The following NRG3 variants were observed in gnomAD, a reference collection of about 807,000 sequenced individuals.
NRG3 encodes the protein pro-neuregulin-3, membrane-bound isoform.
NRG3 carries 31 observed loss-of-function variants against 66.9 expected under a neutral mutation model. The observed-to-expected ratio is 0.46, with a 90% confidence interval of 0.35 to 0.63. NRG3 has a LOEUF of 0.63. NRG3 is among the 20% of genes least tolerant of loss of function. The probability of loss-of-function intolerance (pLI) is 0.00; values close to 1 mark genes in which losing one functional copy is unlikely to be tolerated. For missense variants in NRG3, 910 were observed against 878.9 expected (o/e 1.04, Z -0.45); for synonymous variants, 393 against 359.4 (o/e 1.09, Z -1.06).
chr10:82,182,398 A>G (rs937156741), intron 1 of NRG3, among the ~76,000 whole-genome samples: 3 of 151,380 alleles, frequency 2.0e-5, no homozygotes, highest in Admixed American at 2.0e-4. Context: ...TTTCTCATTT[A>G]TCTTCTATAA....
intron 3 of NRG3, among the ~76,000 whole-genome samples, chr10:82,836,362 A>T (rs1014578863): frequency 1.3e-5 from 2 of 152,222 alleles, no homozygotes; most frequent in Admixed American, 6.5e-5. Context: ...AGATGTCTTC[A>T]TGGGAAAGGT....
intron 1 of NRG3, among the ~76,000 whole-genome samples, chr10:82,345,781 T>A (rs1420759982): frequency 6.6e-6 from 1 of 151,942 alleles, no homozygotes; most frequent in African/African-American, 2.4e-5. Flanking sequence ...GTCCTTCACA[T>A]CCCTTGTAAG....
Position 82,102,113 on chromosome 10 carries a change from CATATATATATATGTGTATTCAT to C in NRG3, c.823+225963_823+225984del, listed in dbSNP as rs1301223620. 2.2e-3 allele frequency among the ~76,000 whole-genome samples: 185 copies of C among 85,956 alleles called. 1 individual carries two copies. The highest frequency in any genetic ancestry group is 7.1e-3 in the African/African-American group (166 of 23,522). The allele number at this position is 85,956 out of a possible 152,430, so 56.4% of individuals were successfully genotyped here. ...GTATTCATATATATATATGTGTATT[CATATATATATATGTGTATTCAT>C]ATATATATATATATATATATATATA... is the stretch of plus-strand genomic sequence containing the variant. On this transcript the variant is annotated intron_variant, in intron 1 of 8. Transcript: ENST00000372141.
intron 1 of NRG3, among the ~76,000 whole-genome samples, chr10:81,902,933 T>C (rs974639031): frequency 1.5e-4 from 23 of 152,120 alleles, no homozygotes; most frequent in African/African-American, 4.6e-4. Flanking sequence ...TTGTCATGGG[T>C]TGTAAACAAC....
At chr10:82,248,531 G>A (rs2077348604) in intron 1 of NRG3, among the ~76,000 whole-genome samples, 1 of 152,144 alleles carries the variant, frequency 6.6e-6, no homozygotes, top group Admixed American at 6.5e-5. Flanking sequence ...TGCATGTAAA[G>A]TTGGTTTTAG....
At chr10:82,233,603 T>C (rs1416457204) in intron 1 of NRG3, among the ~76,000 whole-genome samples, 1 of 152,162 alleles carries the variant, frequency 6.6e-6, no homozygotes, top group African/African-American at 2.4e-5. Flanking sequence ...TTGCCTGAGA[T>C]TCACTCTTGT....
At chr10:81,877,024 G>T (rs1269955727) in intron 1 of NRG3, among the ~76,000 whole-genome samples, 1 of 152,122 alleles carries the variant, frequency 6.6e-6, no homozygotes, top group Admixed American at 6.5e-5. Context: ...GAAAAATATA[G>T]ACGAGTTGAG....
chr10:82,349,746 G>C (rs965236721), intron 1 of NRG3, among the ~76,000 whole-genome samples: 8 of 152,238 alleles, frequency 5.3e-5, no homozygotes, highest in Non-Finnish European at 1.0e-4. Flanking sequence ...CTCCGAGCCA[G>C]GTGCGGGATA....
intron 3 of NRG3, among the ~76,000 whole-genome samples, chr10:82,750,160 G>A (rs1410513859): frequency 6.6e-6 from 1 of 152,088 alleles, no homozygotes; most frequent in East Asian, 1.9e-4. Context: ...TCTTTTGATG[G>A]TGTTTTACAT....
intron 1 of NRG3, among the ~76,000 whole-genome samples, chr10:82,209,608 G>A (rs2075298660): frequency 6.6e-6 from 1 of 152,146 alleles, no homozygotes; most frequent in Non-Finnish European, 1.5e-5. Flanking sequence ...CTGGCTATTA[G>A]AGCCATATAA....
chr10:82,066,715 T>A (rs1294643282), intron 1 of NRG3, among the ~76,000 whole-genome samples: 1 of 152,158 alleles, frequency 6.6e-6, no homozygotes, highest in African/African-American at 2.4e-5. Flanking sequence ...GTTTCCATTC[T>A]CTCTACACCA....
chr10:82,215,667 C>G (rs1035927790), intron 1 of NRG3, among the ~76,000 whole-genome samples: 7 of 147,640 alleles, frequency 4.7e-5, no homozygotes, highest in Non-Finnish European at 7.5e-5. Flanking sequence ...TACATCCCAA[C>G]TTGTATCACA....
intron 3 of NRG3, among the ~76,000 whole-genome samples, chr10:82,855,303 C>T (rs2063750296): frequency 6.6e-6 from 1 of 151,994 alleles, no homozygotes; most frequent in Non-Finnish European, 1.5e-5. Context: ...GGCTGTTTGC[C>T]ATGTAATCCT....
Position 82,949,046 on chromosome 10 carries a change from A to G in NRG3, c.1055-2423A>G, listed in dbSNP as rs540172778. On this transcript the variant is annotated intron_variant, in intron 4 of 8. Transcript: ENST00000372141. The stretch of plus-strand genomic sequence containing the variant: ...TATAGATTTTTTATAGCTACTCTTT[A>G]TTAGGTTGAGGAAGTGCCTTCTATT... 1.2e-4 allele frequency among the ~76,000 whole-genome samples: 18 copies of G among 152,178 alleles called. No homozygotes were observed. The South Asian group carries it at 3.7e-3, about 32-fold the overall frequency.
chr10:82,677,268 G>T (rs953320496), intron 2 of NRG3, among the ~76,000 whole-genome samples: 1 of 151,888 alleles, frequency 6.6e-6, no homozygotes, highest in Non-Finnish European at 1.5e-5. Context: ...GCCCAGGCTG[G>T]TCTCAACTCC....
intron 2 of NRG3, among the ~76,000 whole-genome samples, chr10:82,559,139 AT>A (rs946200813): frequency 2.6e-5 from 4 of 151,010 alleles, no homozygotes; most frequent in East Asian, 1.9e-4. Context: ...TCATCTATGT[AT>A]TTTTTTTTCT....
At chr10:82,392,216 T>C (rs2086421984) in intron 2 of NRG3, among the ~76,000 whole-genome samples, 1 of 152,148 alleles carries the variant, frequency 6.6e-6, no homozygotes, top group South Asian at 2.1e-4. Flanking sequence ...CTTGTAGTGC[T>C]CCCGTCATTT....
chr10:82,572,350 CAA>C, intron 2 of NRG3, among the ~76,000 whole-genome samples: 1 of 145,548 alleles, frequency 6.9e-6, no homozygotes, highest in East Asian at 2.0e-4. Flanking sequence ...CTATTTTGTA[CAA>C]AAAAAAAATC....
intron 2 of NRG3, among the ~76,000 whole-genome samples, chr10:82,732,117 C>T (rs1267501618): frequency 3.9e-5 from 6 of 152,060 alleles, no homozygotes; most frequent in Admixed American, 6.5e-5. Context: ...TCATGTTGTA[C>T]ATTATAAATA....
Sources: gnomAD v4.1 joint callset for allele counts (sites outside exome capture counted in the v4.1 genomes callset) on GRCh38, gnomAD v4.1.1 for gene constraint, MANE v1.5 for transcripts, NCBI Gene and HGNC (gene_info 2026-07-23, HGNC 2026-07-21) for gene names.